Variants in IRF4 observed in about 807,000 individuals in gnomAD.
IRF4 encodes the protein interferon regulatory factor 4, also known as lymphocyte-specific interferon regulatory factor.
In IRF4, 13 loss-of-function variants were observed where a neutral mutation model predicts 55.5. The ratio of observed to expected loss-of-function variants is 0.23; its 90% CI spans 0.15 to 0.37. The LOEUF is 0.37. Ranked by LOEUF, IRF4 falls within the 10% of genes least tolerant of loss-of-function variation. The pLI is 1.00. For missense variants in IRF4, 397 were observed against 593.8 expected, an observed-to-expected ratio of 0.67 and a Z score of 3.44; for synonymous variants, 249 against 240.7, an observed-to-expected ratio of 1.03 and a Z score of -0.32.
chr6:398,863 C>A lies in IRF4; in HGVS notation c.673C>A (p.Pro225Thr), dbSNP rs1321465734. ...GACAGGAACCTTTTATGCTTGTGCCCCACCTGAGTCCCAGGCTCCCGGAGT... is the reference window on the plus strand; with the variant it reads ...GACAGGAACCTTTTATGCTTGTGCCACACCTGAGTCCCAGGCTCCCGGAGT... Reference protein sequence around the residue: ...QVTGTFYACAPPESQAPGVPT... With the variant: ...QVTGTFYACATPESQAPGVPT... The change falls in exon 6 of 9, where the codon CCA becomes ACA. Residue 225 changes from proline (P) to threonine (T), a missense_variant. Pro to Thr is a conservative substitution (Grantham distance 38). This residue lies in a region of IRF4 where 341 missense variants were observed against 548.1 expected (regional missense o/e 0.62). Coordinates refer to ENST00000380956, the MANE Select transcript of IRF4 (RefSeq NM_002460.4). The A allele has an allele frequency of 4.3e-6, 7 of 1,613,580 alleles. No individual in the cohort carries two copies. Among genetic ancestry groups the A allele is most frequent in the Non-Finnish European group, 4.2e-6 (5 of 1,179,808 alleles).
At chr6:405,602 A>G (rs1171121845) in intron 8 of IRF4, among the ~76,000 whole-genome samples, 1 of 152,082 alleles carries the variant, frequency 6.6e-6, no homozygotes, top group East Asian at 1.9e-4. Context: ...GTGTCCTAGC[A>G]CCTCTTTTAT....
At chr6:392,201 C>T (rs1249089357) in intron 1 of IRF4, among the ~76,000 whole-genome samples, 1 of 152,262 alleles carries the variant, frequency 6.6e-6, no homozygotes, top group African/African-American at 2.4e-5. Context: ...GACCCCAATC[C>T]GAGGCTCCTT....
rs1427316290 is a variant in IRF4 at position 395,046 on chromosome 6, A to G, written c.403+39A>G. 14 of 1,492,412 alleles carry G rather than the reference A, an allele frequency of 9.4e-6. No individual in the cohort carries two copies. In the South Asian group the frequency reaches 1.8e-4, roughly 19 times the overall value. 92.4% of individuals were successfully genotyped at this position (1,492,412 alleles called of 1,614,324 possible). ...TGAATTTGGGTCACCTAACAGAGGCAGCCAGATCCTTGAGGCACCTTAACT... is the reference window on the plus strand; with the variant it reads ...TGAATTTGGGTCACCTAACAGAGGCGGCCAGATCCTTGAGGCACCTTAACT... On this transcript the variant is annotated intron_variant, in intron 3 of 8. Transcript: ENST00000380956.
intron 8 of IRF4, among the ~76,000 whole-genome samples, chr6:406,367 C>A (rs1457180670): frequency 1.3e-5 from 2 of 152,058 alleles, no homozygotes; most frequent in Non-Finnish European, 2.9e-5. Flanking sequence ...CATGGTGAAA[C>A]CCCCTCTCTA....
At chr6:397,589 T>G in intron 5 of IRF4, 1 of 244,538 alleles carries the variant, frequency 4.1e-6, no homozygotes, top group Non-Finnish European at 7.8e-6. Context: ...GCTGGGAGAT[T>G]ATTGAGCTGG....
intron 5 of IRF4, among the ~76,000 whole-genome samples, chr6:398,469 T>G (rs1761322774): frequency 6.6e-6 from 1 of 152,228 alleles, no homozygotes; most frequent in Non-Finnish European, 1.5e-5. Context: ...TGGCACAGAC[T>G]CAAGTAGACC....
intron 7 of IRF4, among the ~76,000 whole-genome samples, chr6:403,561 CAG>C (rs1226796665): frequency 6.6e-6 from 1 of 152,196 alleles, no homozygotes; most frequent in African/African-American, 2.4e-5. Flanking sequence ...ACAGCACAGG[CAG>C]GGGGTGGACG....
chr6:405,321 A>C (rs1761517159), intron 8 of IRF4, among the ~76,000 whole-genome samples, 191 bp downstream of exon 8: 1 of 152,246 alleles, frequency 6.6e-6, no homozygotes, highest in Admixed American at 6.5e-5. Flanking sequence ...TGCTCCTCCC[A>C]GACTTGAGAT....
rs1198842534 is a variant in IRF4 at position 401,438 on chromosome 6, A to G, written c.760A>G (p.Ile254Val). 6.2e-7 allele frequency: 1 copy of G among 1,612,792 alleles called. No individual in the cohort carries two copies. Among genetic ancestry groups the G allele is most frequent in the Non-Finnish European group, 8.5e-7 (1 of 1,179,708 alleles). ...ALAFSDCRLH[I>V]CLYYREILVK... ...TGTGTTTGCAGACTGCCGGCTGCACATCTGCCTGTACTACCGGGAAATCCT... is the reference window on the plus strand; with the variant it reads ...TGTGTTTGCAGACTGCCGGCTGCACGTCTGCCTGTACTACCGGGAAATCCT... Residue 254 changes from isoleucine (I) to valine (V), a missense_variant, in exon 7 of 9, where the codon ATC (isoleucine) becomes GTC (valine). Physicochemically the swap from Ile to Val is conservative, Grantham distance 29. This residue lies in a region of IRF4 where 341 missense variants were observed against 548.1 expected (regional missense o/e 0.62). Coordinates refer to ENST00000380956, the MANE Select transcript of IRF4 (RefSeq NM_002460.4).
At chr6:406,354 C>G (rs1419569835) in intron 8 of IRF4, among the ~76,000 whole-genome samples, 1 of 152,048 alleles carries the variant, frequency 6.6e-6, no homozygotes, top group Non-Finnish European at 1.5e-5. Flanking sequence ...CCAGCCTGAC[C>G]AACATGGTGA....
rs34458415 is a variant in IRF4, at chr6:395,108, TTGCC to T, written c.403+115_403+118del. 3.9e-4 allele frequency: 360 copies of T among 916,060 alleles called. 1 individual carries two copies. In the African/African-American group the frequency reaches 5.1e-3, roughly 13 times the overall value. The allele number at this position is 916,060 out of a possible 1,614,324, so 56.7% of individuals were successfully genotyped here. On this transcript the variant is annotated intron_variant, in intron 3 of 8. Coordinates refer to ENST00000380956, the MANE Select transcript of IRF4 (RefSeq NM_002460.4). ...ATCACTTTCTAGCTTTCCTTTTGTA[TTGCC>T]TGCCTGCCTGCCTTCTGCCTCACAG...
intron 1 of IRF4, among the ~76,000 whole-genome samples, 190 bp from the exon 2 acceptor site, chr6:392,908 C>A (rs1488620594): frequency 6.6e-6 from 1 of 151,282 alleles, no homozygotes; most frequent in Non-Finnish European, 1.5e-5. Flanking sequence ...CGGCTGTGCC[C>A]GCCCAGGGGA....
chr6:407,006 C>A, intron 8 of IRF4: 1 of 611,454 alleles, frequency 1.6e-6, no homozygotes, highest in Non-Finnish European at 2.1e-6. Context: ...CTTTTTATTT[C>A]TTTTACCTCT....
In IRF4 at chr6:407,798, C is replaced by G; in HGVS notation, c.*200C>G. 1.9e-6 allele frequency: 1 copy of G among 537,050 alleles called. No individual in the cohort carries two copies. Among genetic ancestry groups the G allele is most frequent in the East Asian group, 3.3e-5 (1 of 30,358 alleles). 33.3% of individuals were successfully genotyped at this position (537,050 alleles called of 1,614,324 possible). On this transcript the variant is annotated 3_prime_UTR_variant, in exon 9 of 9. Coordinates refer to ENST00000380956, the MANE Select transcript of IRF4 (RefSeq NM_002460.4). The stretch of plus-strand genomic sequence containing the variant: ...GGATTACAGGTGTGAGCCACTGCAC[C>G]CACCCAAGACAAGTGATTTTCATTG...
chr6:400,748 CAT>C (rs1302733995), intron 6 of IRF4, among the ~76,000 whole-genome samples: 1 of 151,320 alleles, frequency 6.6e-6, no homozygotes, highest in Non-Finnish European at 1.5e-5. Context: ...ATTATATAGA[CAT>C]AAATAATTAA....
At position 410,637 on chromosome 6, in the gene IRF4, G is replaced by T. The variant is rs1761675876; in HGVS notation, c.*3039G>T. 4.3e-6 allele frequency: 1 copy of T among 231,226 alleles called. No homozygotes were observed. The highest frequency in any genetic ancestry group is 1.3e-3 in the Middle Eastern group (1 of 776). 14.3% of individuals were successfully genotyped at this position (231,226 alleles called of 1,614,324 possible). On this transcript the variant is annotated 3_prime_UTR_variant, in exon 9 of 9. Coordinates refer to ENST00000380956, the MANE Select transcript of IRF4 (RefSeq NM_002460.4). Reference sequence around the variant, plus strand: ...GAGTCTTGGGTACTCGCACCTCTTGGCTTTGTTGATGCTCCGCCAGGAAGG... The same window carrying T: ...GAGTCTTGGGTACTCGCACCTCTTGTCTTTGTTGATGCTCCGCCAGGAAGG...
intron 7 of IRF4, among the ~76,000 whole-genome samples, chr6:404,142 T>A (rs899718369): frequency 5.3e-5 from 8 of 152,228 alleles, no homozygotes; most frequent in African/African-American, 1.4e-4. Flanking sequence ...GCAGAAGCTG[T>A]AGCGGCTCCT....
In IRF4 at chr6:393,491, G is replaced by GAGGCATC. The variant is rs1761175278; in HGVS notation, c.216+127_216+133dup. 1 of 654,108 alleles carries GAGGCATC rather than the reference G, an allele frequency of 1.5e-6. No homozygotes were observed. The highest frequency in any genetic ancestry group is 2.2e-6 in the Non-Finnish European group (1 of 454,410). The allele number at this position is 654,108 out of a possible 1,614,324, so 40.5% of individuals were successfully genotyped here. ...GCGCGGGGCGGACGGGCGGGCGGCGGAGGCATCAGGTGGCGTCGCCGGAGC... is the reference window on the plus strand; with the variant it reads ...GCGCGGGGCGGACGGGCGGGCGGCGGAGGCATCAGGCATCAGGTGGCGTCGCCGGAGC... On this transcript the variant is annotated intron_variant, in intron 2 of 8. Coordinates refer to ENST00000380956, the MANE Select transcript of IRF4 (RefSeq NM_002460.4). The surrounding 1 kb of genome is among the most constrained non-coding windows in gnomAD (Gnocchi z 5.4).
chr6:399,716 A>G (rs6906862), intron 6 of IRF4, among the ~76,000 whole-genome samples: 2,666 of 152,314 alleles, frequency 0.018, 69 homozygotes, highest in African/African-American at 0.06. Flanking sequence ...ATCAGTGATG[A>G]AAAATACTAA....
Sources: allele counts gnomAD v4.1 joint callset (sites outside exome capture counted in the v4.1 genomes callset), GRCh38; gene constraint gnomAD v4.1.1; regional missense constraint gnomAD v4.1.1; non-coding constraint Gnocchi (gnomAD v3.1); transcripts MANE v1.5; gene names NCBI Gene and HGNC (gene_info 2026-07-23, HGNC 2026-07-21).